VPS53: variants seen among roughly 807,000 people sequenced by gnomAD.
The protein encoded by VPS53 is VPS53 subunit of GARP complex.
Under a neutral mutation model 107.0 loss-of-function variants are expected in VPS53, and 70 were observed. The ratio of observed to expected loss-of-function variants is 0.65; its 90% confidence interval spans 0.54 to 0.80. VPS53 has a LOEUF of 0.80. Among genes scored for constraint, VPS53 ranks in the 30% least tolerant of loss-of-function variants. The pLI is 0.00. For missense variants in VPS53, 917 were observed against 1,049.4 expected, an observed-to-expected ratio of 0.87 and a Z score of 1.74; for synonymous variants, 409 against 393.3, an observed-to-expected ratio of 1.04 and a Z score of -0.47.
chr17:628,321 ATTGT>A, intron 8 of VPS53, 90 bp from the exon 9 acceptor site: 1 of 1,481,278 alleles, frequency 6.8e-7, no homozygotes, highest in Admixed American at 2.0e-5. Flanking sequence ...ATCTCTACGC[ATTGT>A]CAGTCTTACT....
chr17:657,239 G>T, intron 5 of VPS53: 2 of 1,197,916 alleles, frequency 1.7e-6, no homozygotes, highest in South Asian at 1.3e-5. Flanking sequence ...GTCTCCTCAG[G>T]TGTACAGCAA....
chr17:662,569 G>C (rs1195523681), intron 4 of VPS53, among the ~76,000 whole-genome samples: 1 of 151,862 alleles, frequency 6.6e-6, no homozygotes, highest in Admixed American at 6.6e-5. Flanking sequence ...CGCACCTGTA[G>C]TCCCAGCTAC....
At chr17:614,331 C>T (rs890288592) in intron 11 of VPS53, among the ~76,000 whole-genome samples, 1 of 152,106 alleles carries the variant, frequency 6.6e-6, no homozygotes, top group Non-Finnish European at 1.5e-5. Context: ...TAAAAAAATA[C>T]AATTTCAACC....
At chr17:669,510 T>C (rs1488342603) in intron 4 of VPS53, among the ~76,000 whole-genome samples, 1 of 150,242 alleles carries the variant, frequency 6.7e-6, no homozygotes, top group Non-Finnish European at 1.5e-5. Flanking sequence ...TGAGAATCAC[T>C]TGAGCCCAGG....
intron 11 of VPS53, among the ~76,000 whole-genome samples, chr17:617,662 C>T (rs1360132813): frequency 2.0e-5 from 3 of 149,888 alleles, no homozygotes; most frequent in South Asian, 2.1e-4. Context: ...CCACCACGCC[C>T]CACTAATATT....
At chr17:552,664 A>T (rs1911949537) in intron 16 of VPS53, 1 of 159,254 alleles carries the variant, frequency 6.3e-6, no homozygotes, top group Non-Finnish European at 1.4e-5. Flanking sequence ...GCAGATCAGC[A>T]ATGGCCAAGG....
Position 521,660 on chromosome 17 carries a change from G to A in VPS53, c.2164C>T (p.Pro722Ser). The A allele has an allele frequency of 1.3e-6, 2 of 1,551,192 alleles. No individual in the cohort carries two copies. The highest frequency in any genetic ancestry group is 2.4e-5 in the East Asian group (1 of 40,866). ...SISSQVVRKA[P>S]ASYTKIVVKG... ...ACAACGATCTTGGTGTAGCTGGCGG[G>A]TGCCTTCCTCACCACCTGCGAGCTG... The change falls in exon 20 of 22, where the codon CCC (proline) becomes TCC (serine). Residue 722 changes from proline to serine, a missense_variant. Pro to Ser is a moderately conservative substitution (Grantham distance 74). Coordinates refer to ENST00000437048, the MANE Select transcript of VPS53 (RefSeq NM_001128159.3).
In VPS53 at chr17:690,752, G is replaced by A. The variant is rs576382500; in HGVS notation, c.285+6666C>T. 4.1e-5 allele frequency among the ~76,000 whole-genome samples: 6 copies of A among 147,480 alleles called. No individual in the cohort carries two copies. In the South Asian group the frequency reaches 1.1e-3, roughly 27 times the overall value. On this transcript the variant is annotated intron_variant, in intron 4 of 21. Transcript: ENST00000437048. ...AAATAAAAAATCTCAGCAAATCCAA[G>A]GTAATGGAAGAACAATGTCTACAAT...
intron 15 of VPS53, among the ~76,000 whole-genome samples, chr17:556,025 C>T (rs1471552524): frequency 6.6e-6 from 1 of 152,102 alleles, no homozygotes; most frequent in Non-Finnish European, 1.5e-5. Flanking sequence ...ACCCGGTAAT[C>T]CCAACTCTTT....
At chr17:630,139 C>T (rs1969892446) in intron 8 of VPS53, among the ~76,000 whole-genome samples, 1 of 151,462 alleles carries the variant, frequency 6.6e-6, no homozygotes, top group Admixed American at 6.6e-5. Flanking sequence ...ACTAAAAATA[C>T]AAAAATTAGC....
At chr17:594,926 T>C (rs1469080163) in intron 12 of VPS53, among the ~76,000 whole-genome samples, 1 of 54,448 alleles carries the variant, frequency 1.8e-5, no homozygotes, top group Non-Finnish European at 4.3e-5. Context: ...GGAAGGGGTC[T>C]GGATCAATTT....
chr17:687,087 C>T (rs960169967), intron 4 of VPS53, among the ~76,000 whole-genome samples: 2 of 152,084 alleles, frequency 1.3e-5, no homozygotes, highest in African/African-American at 2.4e-5. Flanking sequence ...AAGTTCAAGA[C>T]CAGCCTGGCC....
At chr17:543,748 A>G (rs892415356) in intron 17 of VPS53, among the ~76,000 whole-genome samples, 3 of 146,024 alleles carry the variant, frequency 2.1e-5, no homozygotes, top group Admixed American at 1.4e-4. Flanking sequence ...CTTCACTATT[A>G]TAAGTTATAT....
chr17:662,447 T>TG (rs1971472288), intron 4 of VPS53, among the ~76,000 whole-genome samples: 1 of 151,846 alleles, frequency 6.6e-6, no homozygotes, highest in African/African-American at 2.4e-5. Flanking sequence ...CCCAGCACTT[T>TG]GGGAGGCCAA....
In VPS53 at chr17:532,837, C is replaced by T. The variant is rs1487918163; in HGVS notation, c.2085+5G>A. 1.9e-6 allele frequency: 3 copies of T among 1,613,658 alleles called. No homozygotes were observed. Among genetic ancestry groups the T allele is most frequent in the Non-Finnish European group, 2.5e-6 (3 of 1,179,796 alleles). ...GGCAAATGCCTGATACTACGTCCATCTCACCTGTTCTGCTCCCACCATGCT... is the reference window on the plus strand; with the variant it reads ...GGCAAATGCCTGATACTACGTCCATTTCACCTGTTCTGCTCCCACCATGCT... On this transcript the variant is annotated splice_donor_5th_base_variant and intron_variant, in intron 19 of 21. Transcript: ENST00000437048.
intron 10 of VPS53, 26 bp from the exon 11 acceptor site, chr17:623,700 T>C (rs1468341498): frequency 3.1e-6 from 5 of 1,591,738 alleles, no homozygotes; most frequent in Middle Eastern, 1.7e-4. Context: ...ATAAGAATAC[T>C]ATCAAACAAG....
intron 2 of VPS53, among the ~76,000 whole-genome samples, chr17:702,522 C>T (rs1289319563): frequency 4.6e-5 from 7 of 151,888 alleles, no homozygotes; most frequent in South Asian, 2.1e-4. Context: ...AAAAATTAGC[C>T]GGGCGTGGTG....
chr17:552,908 G>A, intron 16 of VPS53: 1 of 405,464 alleles, frequency 2.5e-6, no homozygotes, highest in Non-Finnish European at 4.4e-6. Context: ...GCGAGCAAGT[G>A]TGTACAAGGT....
intron 4 of VPS53, among the ~76,000 whole-genome samples, chr17:665,850 A>C (rs1331172469): frequency 6.6e-6 from 1 of 152,096 alleles, no homozygotes; most frequent in East Asian, 1.9e-4. Context: ...CTAAAAATAC[A>C]AAAATTAGAT....
Sources: allele counts gnomAD v4.1 joint callset (sites outside exome capture counted in the v4.1 genomes callset), GRCh38; gene constraint gnomAD v4.1.1; transcripts MANE v1.5; gene names NCBI Gene and HGNC (gene_info 2026-07-23, HGNC 2026-07-21).